The following ARID2 variants were observed in gnomAD, a reference collection of about 807,000 sequenced individuals.
ARID2 encodes AT-rich interactive domain-containing protein 2.
Under a neutral mutation model 184.6 loss-of-function variants are expected in ARID2, and 32 were observed. The observed-to-expected ratio is 0.17, with a 90% confidence interval of 0.13 to 0.23. The LOEUF (loss-of-function observed/expected upper bound fraction) is 0.23. Among genes scored for constraint, ARID2 ranks in the 10% least tolerant of loss-of-function variants. ARID2 has a pLI of 1.00. For missense variants in ARID2, 1,696 were observed against 2,197.6 expected (o/e 0.77, Z 4.56); for synonymous variants, 836 against 772.6 (o/e 1.08, Z -1.36).
intron 16 of ARID2, among the ~76,000 whole-genome samples, chr12:45,872,350 A>G (rs915233861): frequency 1.3e-5 from 2 of 152,198 alleles, no homozygotes; most frequent in Admixed American, 6.5e-5. Flanking sequence ...AAATATTGCA[A>G]AAATGTGTTA....
chr12:45,796,331 T>C (rs1221811355), intron 3 of ARID2, among the ~76,000 whole-genome samples: 1 of 152,130 alleles, frequency 6.6e-6, no homozygotes. Context: ...ACGGGCCACA[T>C]GGACTTTTCT....
chr12:45,862,092 C>T (rs1411844128), intron 16 of ARID2, among the ~76,000 whole-genome samples: 1 of 152,054 alleles, frequency 6.6e-6, no homozygotes, highest in Non-Finnish European at 1.5e-5. Context: ...TAATAGTATG[C>T]AAAATATCTA....
chr12:45,832,649 C>A (rs1361719624), intron 6 of ARID2, among the ~76,000 whole-genome samples: 2 of 151,982 alleles, frequency 1.3e-5, no homozygotes, highest in African/African-American at 4.8e-5. Context: ...GACCCCTCTT[C>A]TTTTCCTGGT....
At chr12:45,900,577 C>G (rs1240738004) in intron 20 of ARID2, among the ~76,000 whole-genome samples, 3 of 152,278 alleles carry the variant, frequency 2.0e-5, no homozygotes, top group South Asian at 2.1e-4. Context: ...GCAGTCTAGA[C>G]AGGTTGCTCT....
intron 16 of ARID2, among the ~76,000 whole-genome samples, chr12:45,870,709 G>C (rs755364642): frequency 2.0e-5 from 3 of 152,028 alleles, no homozygotes; most frequent in Non-Finnish European, 4.4e-5. Context: ...GAATTATTCA[G>C]CAGTATCCTT....
Position 45,908,018 on chromosome 12 carries a change from T to C in ARID2, c.*2940T>C, listed in dbSNP as rs1199432527. ...TGTTTTTTTAACCATGAAATGACAA[T>C]AAAATGATTTTTAAAATGAGAATGT... On this transcript the variant is annotated 3_prime_UTR_variant, in exon 21 of 21. Transcript: ENST00000334344. The C allele has an allele frequency of 4.5e-6, 1 of 222,888 alleles. No individual in the cohort carries two copies. The allele number at this position is 222,888 out of a possible 1,614,324, so 13.8% of individuals were successfully genotyped here. A position where few individuals can be genotyped will look rare whatever the true frequency, so the allele number is the denominator to read the frequency against.
At chr12:45,839,257 C>T in intron 10 of ARID2, 72 bp from the exon 11 acceptor site, 1 of 1,334,008 alleles carries the variant, frequency 7.5e-7, no homozygotes, top group Non-Finnish European at 1.0e-6. Context: ...TTCTGTACAA[C>T]ATGTGTTCAC....
At chr12:45,868,356 G>T (rs955341276) in intron 16 of ARID2, among the ~76,000 whole-genome samples, 1 of 152,084 alleles carries the variant, frequency 6.6e-6, no homozygotes, top group Non-Finnish European at 1.5e-5. Context: ...CACGAGAATC[G>T]CTTGAACCCA....
chr12:45,746,073 A>G (rs1941349641), intron 3 of ARID2, among the ~76,000 whole-genome samples: 1 of 151,532 alleles, frequency 6.6e-6, no homozygotes. Context: ...TACTGGAAGT[A>G]TGAAGTAATA....
Position 45,852,245 on chromosome 12 carries a change from A to G in ARID2, c.4122A>G (p.Lys1374=). 6.2e-7 allele frequency: 1 copy of G among 1,614,132 alleles called. No homozygotes were observed. Among genetic ancestry groups the G allele is most frequent in the Non-Finnish European group, 8.5e-7 (1 of 1,180,002 alleles). The change falls in exon 15 of 21, where the codon AAA becomes AAG. Residue 1374 remains lysine, a synonymous_variant. Coordinates refer to ENST00000334344, the MANE Select transcript of ARID2 (RefSeq NM_152641.4). ...AAGGAGATGGTTCTCATTTAAGCAA[A>G]AACATTCCAAATCATAAAACTTCCA... is the stretch of plus-strand genomic sequence containing the variant. The part of the protein sequence containing the change: ...FDKGDGSHLS[K]NIPNHKTSNH...
chr12:45,826,673 C>T (rs1407680507), intron 6 of ARID2, among the ~76,000 whole-genome samples: 1 of 152,072 alleles, frequency 6.6e-6, no homozygotes, highest in Non-Finnish European at 1.5e-5. Context: ...CCTGCCTCGG[C>T]CTCCCAGAGT....
intron 3 of ARID2, among the ~76,000 whole-genome samples, chr12:45,788,989 T>C (rs761150847): frequency 6.6e-5 from 10 of 152,210 alleles, no homozygotes; most frequent in Non-Finnish European, 1.5e-4. Flanking sequence ...TAATTAATTC[T>C]TCTAACCTGA....
chr12:45,889,793 C>G (rs189721388), intron 16 of ARID2, among the ~76,000 whole-genome samples: 94 of 152,300 alleles, frequency 6.2e-4, no homozygotes, highest in African/African-American at 2.1e-3. Context: ...CAAAAATTAG[C>G]TGGGCGTGGT....
chr12:45,853,936 A>G (rs981942160), intron 15 of ARID2, among the ~76,000 whole-genome samples: 1 of 152,226 alleles, frequency 6.6e-6, no homozygotes, highest in African/African-American at 2.4e-5. Flanking sequence ...CCCTTTAGGA[A>G]CTGGGCCACA....
chr12:45,731,179 T>C (rs772814699), intron 2 of ARID2, 38 bp from the exon 3 acceptor site: 1 of 1,424,602 alleles, frequency 7.0e-7, no homozygotes. Context: ...TTTTCTTAGA[T>C]TGTTCACGTT....
intron 15 of ARID2, among the ~76,000 whole-genome samples, chr12:45,855,462 A>T (rs934368325): frequency 6.6e-6 from 1 of 152,202 alleles, no homozygotes; most frequent in Non-Finnish European, 1.5e-5. Context: ...AGAATAACAA[A>T]AACAGCATTC....
chr12:45,799,786 A>G (rs1018021032), intron 3 of ARID2, among the ~76,000 whole-genome samples: 1 of 152,188 alleles, frequency 6.6e-6, no homozygotes, highest in Non-Finnish European at 1.5e-5. Context: ...TGAAAGAACA[A>G]AGCAACACAT....
chr12:45,798,136 T>C (rs1942425890), intron 3 of ARID2, among the ~76,000 whole-genome samples: 1 of 152,182 alleles, frequency 6.6e-6, no homozygotes, highest in African/African-American at 2.4e-5. Context: ...CTAACTAATT[T>C]TCTCACTTTT....
chr12:45,863,319 G>T (rs1280397644), intron 16 of ARID2, among the ~76,000 whole-genome samples: 2 of 152,102 alleles, frequency 1.3e-5, no homozygotes, highest in Non-Finnish European at 2.9e-5. Context: ...AAAGAGAAAT[G>T]GCTCTTATTC....
Sources: allele counts gnomAD v4.1 joint callset (sites outside exome capture counted in the v4.1 genomes callset), GRCh38; gene constraint gnomAD v4.1.1; transcripts MANE v1.5; gene names NCBI Gene and HGNC (gene_info 2026-07-23, HGNC 2026-07-21).